The following ERI1 variants were observed in gnomAD, a reference collection of about 807,000 sequenced individuals.
The protein encoded by ERI1 is exoribonuclease 1, also known as 3'-5' exoribonuclease 1.
In ERI1, 39 loss-of-function variants were observed where a neutral mutation model predicts 39.7. That is an observed-to-expected ratio of 0.98 (90% confidence interval 0.76 to 1.28). The LOEUF (loss-of-function observed/expected upper bound fraction) is 1.28. Among genes scored for constraint, ERI1 ranks in the 50% most tolerant of loss-of-function variants. The probability of loss-of-function intolerance (pLI) is 0.00; values close to 1 mark genes in which losing one functional copy is unlikely to be tolerated. For missense variants in ERI1, 581 were observed against 416.9 expected, an observed-to-expected ratio of 1.39 and a Z score of -3.43; for synonymous variants, 204 against 149.6, an observed-to-expected ratio of 1.36 and a Z score of -2.65.
chr8:9,018,638 A>G (rs1159903891), intron 5 of ERI1, among the ~76,000 whole-genome samples: 1 of 152,072 alleles, frequency 6.6e-6, no homozygotes, highest in African/African-American at 2.4e-5. Context: ...GTAAAGCTAA[A>G]AAGACTTTGC....
At chr8:9,025,451 G>C (rs531008796) in intron 6 of ERI1, among the ~76,000 whole-genome samples, 1 of 152,224 alleles carries the variant, frequency 6.6e-6, no homozygotes, top group African/African-American at 2.4e-5. Context: ...AGGAGGCTGC[G>C]TTTTGCAGCG....
chr8:9,015,822 A>C (rs1386396239), intron 3 of ERI1, among the ~76,000 whole-genome samples: 1 of 151,982 alleles, frequency 6.6e-6, no homozygotes, highest in African/African-American at 2.4e-5. Context: ...CTACCTATAT[A>C]TCATACAGTT....
chr8:9,017,196 T>C (rs1817395828), intron 4 of ERI1, among the ~76,000 whole-genome samples: 1 of 152,020 alleles, frequency 6.6e-6, no homozygotes, highest in Non-Finnish European at 1.5e-5. Context: ...CACACCACGA[T>C]GATTGGCTAA....
rs1350449525 is a variant in ERI1, at chr8:9,023,666, C to A, written c.807+3202C>A. Among the ~76,000 whole-genome samples the A allele has an allele frequency of 4.7e-5, 7 of 149,310 alleles. No homozygotes were observed. In the East Asian group the frequency reaches 1.2e-3, roughly 26 times the overall value. On this transcript the variant is annotated intron_variant, in intron 6 of 6. Transcript: ENST00000250263. ...TATAAGTAGAAGAAACTTATGTTTT[C>A]CTTCTTTTTTTGTACCTTATCTAAG...
chr8:9,096,782 T>A (rs1280708509), intron 3 of ERI1: 1 of 138,988 alleles, frequency 7.2e-6, no homozygotes, highest in Non-Finnish European at 1.5e-5. Flanking sequence ...AATTGCATGA[T>A]CATGGCTCAC....
In ERI1 at chr8:9,011,554, T is replaced by C. The variant is rs951634333; in HGVS notation, c.300T>C (p.Asp100=). The change falls in exon 3 of 7, where the codon GAT becomes GAC. Residue 100 remains aspartate (D), a synonymous_variant. Transcript: ENST00000250263. ...EFKLETRGVK[D]VLKKRLKNYY... is the part of the protein sequence containing the mutation. The stretch of plus-strand genomic sequence containing the variant: ...TTCTTCTACTTAGAGGAGTAAAGGA[T>C]GTTCTAAAGAAGAGACTGAAAAACT... The C allele has an allele frequency of 1.2e-6, 2 of 1,606,040 alleles. No homozygotes were observed. The highest frequency in any genetic ancestry group is 3.4e-5 in the Admixed American group (2 of 58,674).
Position 9,029,774 on chromosome 8 carries a change from A to G in ERI1, c.808-18A>G, listed in dbSNP as rs1242867260. ...TTAGAACACCAAAGAATTATTTACT[A>G]AGCTGTTTATTTTTCAGGTTCCTAG... On this transcript the variant is annotated intron_variant, in intron 6 of 6. Transcript: ENST00000250263. 6.2e-6 allele frequency: 10 copies of G among 1,613,688 alleles called. No individual in the cohort carries two copies. The highest frequency in any genetic ancestry group is 1.3e-5 in the African/African-American group (1 of 75,018).
chr8:9,079,112 G>T (rs1159746447), intron 3 of ERI1, among the ~76,000 whole-genome samples: 1 of 152,144 alleles, frequency 6.6e-6, no homozygotes, highest in Non-Finnish European at 1.5e-5. Flanking sequence ...AAAACTCATA[G>T]GGAGGGGAAA....
At chr8:9,055,785 C>A (rs547621880) in intron 3 of ERI1, among the ~76,000 whole-genome samples, 54 of 152,296 alleles carry the variant, frequency 3.5e-4, no homozygotes, top group African/African-American at 1.3e-3. Context: ...TGATCCTCTC[C>A]CTTCTCAGCT....
At chr8:9,068,209 T>G (rs906337971) in intron 3 of ERI1, among the ~76,000 whole-genome samples, 8 of 152,252 alleles carry the variant, frequency 5.3e-5, no homozygotes, top group African/African-American at 1.9e-4. Flanking sequence ...GACCTGAGAC[T>G]GTCTCAGATT....
At chr8:9,009,169 TATTGA>T (rs1816402728) in intron 2 of ERI1, 1 of 441,068 alleles carries the variant, frequency 2.3e-6, no homozygotes, top group Non-Finnish European at 4.5e-6. Context: ...AACAAGCCTG[TATTGA>T]ATTCTAAGTA....
chr8:9,069,671 C>T (rs879800345), intron 3 of ERI1, among the ~76,000 whole-genome samples: 22 of 152,126 alleles, frequency 1.4e-4, no homozygotes, highest in Non-Finnish European at 1.8e-4. Context: ...ATCTCAGCAT[C>T]GTGCAATATA....
chr8:9,081,790 G>T (rs201173334), intron 3 of ERI1, among the ~76,000 whole-genome samples: 1 of 151,630 alleles, frequency 6.6e-6, no homozygotes, highest in Non-Finnish European at 1.5e-5. Context: ...AAGCTCCCCT[G>T]TACAGAGACA....
chr8:9,044,351 A>T (rs1007805820), intron 3 of ERI1, among the ~76,000 whole-genome samples: 1 of 152,150 alleles, frequency 6.6e-6, no homozygotes, highest in African/African-American at 2.4e-5. Context: ...TTGTTGAAAG[A>T]AGCGAGGTGA....
At chr8:9,041,727 A>G (rs1444149198) in intron 3 of ERI1, among the ~76,000 whole-genome samples, 2 of 152,188 alleles carry the variant, frequency 1.3e-5, no homozygotes, top group Non-Finnish European at 2.9e-5. Flanking sequence ...GCTGCATTTA[A>G]AAACTAGAGA....
chr8:9,009,989 T>C (rs1585189543), intron 2 of ERI1, among the ~76,000 whole-genome samples: 1 of 152,220 alleles, frequency 6.6e-6, no homozygotes, highest in South Asian at 2.1e-4. Flanking sequence ...ACTGAAGATA[T>C]TTAAGCAGAA....
intron 3 of ERI1, among the ~76,000 whole-genome samples, chr8:9,041,543 TAAAC>T (rs951498421): frequency 6.6e-6 from 1 of 152,162 alleles, no homozygotes; most frequent in Non-Finnish European, 1.5e-5. Flanking sequence ...CATTCAAAAC[TAAAC>T]AAACACGTGC....
chr8:9,048,371 T>C (rs1017303230), intron 3 of ERI1: 3 of 154,370 alleles, frequency 1.9e-5, no homozygotes, highest in African/African-American at 4.8e-5. Context: ...GGGTTCAAGA[T>C]AGGAATTTCC....
At chr8:9,048,032 A>G (rs1798232988) in intron 3 of ERI1, among the ~76,000 whole-genome samples, 1 of 152,244 alleles carries the variant, frequency 6.6e-6, no homozygotes. Flanking sequence ...GTAAGTGGGA[A>G]AGCCAGGACT....
Sources: gnomAD v4.1 joint callset for allele counts (sites outside exome capture counted in the v4.1 genomes callset) on GRCh38, gnomAD v4.1.1 for gene constraint, MANE v1.5 for transcripts, NCBI Gene and HGNC (gene_info 2026-07-23, HGNC 2026-07-21) for gene names.